KIF13A: variants seen among roughly 807,000 people sequenced by gnomAD.
KIF13A encodes the protein kinesin family member 13A.
A neutral mutation model predicts 212.2 loss-of-function variants in KIF13A; 79 were observed. That is an observed-to-expected ratio of 0.37 (90% confidence interval 0.31 to 0.45). The LOEUF is 0.45. Ranked by LOEUF, KIF13A falls within the 20% of genes least tolerant of loss-of-function variation. The pLI, the probability that KIF13A is intolerant of heterozygous loss-of-function variation, is 1.00. For missense variants in KIF13A, 1,901 were observed against 2,209.0 expected, an observed-to-expected ratio of 0.86 and a Z score of 2.79; for synonymous variants, 789 against 808.6, an observed-to-expected ratio of 0.98 and a Z score of 0.41.
intron 3 of KIF13A, among the ~76,000 whole-genome samples, chr6:17,889,106 A>G (rs1423242143): frequency 3.9e-5 from 6 of 152,200 alleles, no homozygotes; most frequent in Admixed American, 3.9e-4. Context: ...CAGAAAATGA[A>G]GGCAGTCACA....
At chr6:17,940,466 C>G (rs1341333515) in intron 2 of KIF13A, among the ~76,000 whole-genome samples, 3 of 152,222 alleles carry the variant, frequency 2.0e-5, no homozygotes, top group Non-Finnish European at 4.4e-5. Context: ...TGTTAGTGAA[C>G]CTACAGATGA....
At chr6:17,781,473 CTTTT>C (rs942520099) in intron 29 of KIF13A, among the ~76,000 whole-genome samples, 172 bp from the exon 30 acceptor site, 2 of 152,016 alleles carry the variant, frequency 1.3e-5, no homozygotes, top group Non-Finnish European at 2.9e-5. Flanking sequence ...CTCACAACAG[CTTTT>C]TTTCTTTTTT....
At chr6:17,964,200 T>C (rs985967381) in intron 2 of KIF13A, among the ~76,000 whole-genome samples, 6 of 152,310 alleles carry the variant, frequency 3.9e-5, no homozygotes, top group Non-Finnish European at 8.8e-5. Flanking sequence ...TTATTCAGTT[T>C]AGAGTAAATC....
Position 17,781,290 on chromosome 6 carries a change from T to C in KIF13A, c.3556A>G (p.Ser1186Gly). The change falls in exon 30 of 39, where the codon AGT becomes GGT. Residue 1186 changes from serine to glycine, a missense_variant. Transcript: ENST00000259711. ...GGGCCAACAAGCTGCTCATTGGCAC[T>C]GAGGTCATCCGCTAACCACATCAGG... ...LFLDLNADDL[S>G]ANEQLVGPHA... is the part of the protein sequence containing the mutation. The C allele has an allele frequency of 6.2e-7, 1 of 1,608,464 alleles. No homozygotes were observed. Among genetic ancestry groups the C allele is most frequent in the Non-Finnish European group, 8.5e-7 (1 of 1,177,956 alleles).
intron 2 of KIF13A, among the ~76,000 whole-genome samples, chr6:17,937,096 G>T (rs1386999924): frequency 1.3e-5 from 2 of 152,196 alleles, no homozygotes; most frequent in Admixed American, 6.5e-5. Flanking sequence ...AGGATCACCT[G>T]AGCCTGGGGA....
rs1024593263 is a variant in KIF13A at position 17,888,909 on chromosome 6, T to C, written c.159+9259A>G. 2.6e-5 allele frequency among the ~76,000 whole-genome samples: 4 copies of C among 152,138 alleles called. No homozygotes were observed. Among genetic ancestry groups the C allele is most frequent in the African/African-American group, 9.7e-5 (4 of 41,440 alleles). ...AACCAAATATATAAAAAATCTTATATTCTTTTTCTTTCTTGTACCAAGTCT... is the reference window on the plus strand; with the variant it reads ...AACCAAATATATAAAAAATCTTATACTCTTTTTCTTTCTTGTACCAAGTCT... On this transcript the variant is annotated intron_variant, in intron 3 of 38. Coordinates refer to ENST00000259711, the MANE Select transcript of KIF13A (RefSeq NM_022113.6). This position sits in a 1 kb window ranked among gnomAD's most constrained non-coding sequence, Gnocchi z 4.8.
intron 2 of KIF13A, among the ~76,000 whole-genome samples, chr6:17,942,851 C>T (rs768789260): frequency 2.6e-5 from 4 of 152,136 alleles, no homozygotes; most frequent in South Asian, 2.1e-4. Context: ...GGTGTCAACA[C>T]GCCTGTAATC....
At chr6:17,936,101 G>A (rs1452312391) in intron 2 of KIF13A, among the ~76,000 whole-genome samples, 2 of 152,168 alleles carry the variant, frequency 1.3e-5, no homozygotes, top group Non-Finnish European at 2.9e-5. Context: ...GACATTATCA[G>A]AACAATTCAT....
rs1349559591 is a variant in KIF13A, at chr6:17,886,023, C to G, written c.159+12145G>C. Among the ~76,000 whole-genome samples, 2 of 152,212 alleles carry G rather than the reference C, an allele frequency of 1.3e-5. No individual in the cohort carries two copies. The highest frequency in any genetic ancestry group is 4.8e-5 in the African/African-American group (2 of 41,456). On this transcript the variant is annotated intron_variant, in intron 3 of 38. Transcript: ENST00000259711. The surrounding 1 kb of genome is among the most constrained non-coding windows in gnomAD (Gnocchi z 5.6). The stretch of plus-strand genomic sequence containing the variant: ...AAGGTGATGTGGATATTTTCAAACA[C>G]AGAATACTTCTTCTTCAATAAAAAC...
intron 2 of KIF13A, among the ~76,000 whole-genome samples, chr6:17,946,600 C>T (rs909648010): frequency 1.3e-5 from 2 of 152,160 alleles, no homozygotes; most frequent in Non-Finnish European, 2.9e-5. Flanking sequence ...ATTTCACATG[C>T]TCTGCATCAG....
At chr6:17,976,491 C>T (rs1007530025) in intron 2 of KIF13A, among the ~76,000 whole-genome samples, 3 of 152,222 alleles carry the variant, frequency 2.0e-5, no homozygotes, top group South Asian at 2.1e-4. Context: ...ATGCGGGGCC[C>T]GCCAAGCCCA....
intron 3 of KIF13A, among the ~76,000 whole-genome samples, chr6:17,875,870 T>C (rs1770508670): frequency 6.6e-6 from 1 of 152,130 alleles, no homozygotes; most frequent in South Asian, 2.1e-4. Context: ...CATGAGCTAC[T>C]CCATGAAAAA....
intron 3 of KIF13A, among the ~76,000 whole-genome samples, chr6:17,879,732 C>T (rs1272404025): frequency 6.6e-6 from 1 of 152,150 alleles, no homozygotes; most frequent in Non-Finnish European, 1.5e-5. Flanking sequence ...TTGACATTTC[C>T]CTTGCAATCT....
In KIF13A at chr6:17,773,625, C is replaced by A; in HGVS notation, c.4219-42G>T. The A allele has an allele frequency of 8.7e-7, 1 of 1,148,460 alleles. No individual in the cohort carries two copies. The allele number at this position is 1,148,460 out of a possible 1,614,324, so 71.1% of individuals were successfully genotyped here. On this transcript the variant is annotated intron_variant, in intron 35 of 38. Transcript: ENST00000259711. The surrounding 1 kb of genome is among the most constrained non-coding windows in gnomAD (Gnocchi z 4.2). ...TGGGTTAACTGTAATTGAATCACTC[C>A]AAAATAAGAAATAAAGCCCAGGTTG... is the stretch of plus-strand genomic sequence containing the variant.
In KIF13A at chr6:17,838,292, G is replaced by T. The variant is rs544131549; in HGVS notation, c.831-709C>A. ...GCCAAGATCGCGCCACTGTACTCCA[G>T]CCTGGGCGACAGAGCAAGACTCCAT... On this transcript the variant is annotated intron_variant, in intron 9 of 38. Transcript: ENST00000259711. This position sits in a 1 kb window ranked among gnomAD's most constrained non-coding sequence, Gnocchi z 4.2. Among the ~76,000 whole-genome samples the T allele has an allele frequency of 6.6e-6, 1 of 151,538 alleles. No homozygotes were observed. Among genetic ancestry groups the T allele is most frequent in the South Asian group, 2.1e-4 (1 of 4,758 alleles).
chr6:17,761,997 C>T (rs566313330), downstream of KIF13A, among the ~76,000 whole-genome samples: 3 of 152,170 alleles, frequency 2.0e-5, no homozygotes, highest in South Asian at 6.2e-4. Flanking sequence ...CCCTGCTGCA[C>T]ACTGTATAAA....
chr6:17,919,062 G>A lies in KIF13A; in HGVS notation c.147-20882C>T, dbSNP rs1447414423. ...AAATGAATGGACAGATGCAGTCCTT[G>A]GCTCACATCAACGGATCACTTGTAA... On this transcript the variant is annotated intron_variant, in intron 2 of 38. Transcript: ENST00000259711. The surrounding 1 kb of genome is among the most constrained non-coding windows in gnomAD (Gnocchi z 4.1). Among the ~76,000 whole-genome samples the A allele has an allele frequency of 6.6e-6, 1 of 152,132 alleles. No individual in the cohort carries two copies. Among genetic ancestry groups the A allele is most frequent in the African/African-American group, 2.4e-5 (1 of 41,422 alleles).
Position 17,796,586 on chromosome 6 carries a change from C to G in KIF13A, c.2942+83G>C, listed in dbSNP as rs189572345. 18 of 882,420 alleles carry G rather than the reference C, an allele frequency of 2.0e-5. No homozygotes were observed. The East Asian group carries it at 2.4e-4, about 12-fold the overall frequency. The allele number at this position is 882,420 out of a possible 1,614,324, so 54.7% of individuals were successfully genotyped here. ...AATGATTTTATTTTTTTATAAGCAG[C>G]CTCCTAGGCCAGAGTAGGTTCAGAG... On this transcript the variant is annotated intron_variant, in intron 23 of 38. Coordinates refer to ENST00000259711, the MANE Select transcript of KIF13A (RefSeq NM_022113.6).
At chr6:17,965,794 CA>C (rs1779251170) in intron 2 of KIF13A, among the ~76,000 whole-genome samples, 1 of 152,216 alleles carries the variant, frequency 6.6e-6, no homozygotes, top group Admixed American at 6.5e-5. Context: ...GGAATAACCA[CA>C]AACTCATCAA....
Sources: gnomAD v4.1 joint callset for allele counts (sites outside exome capture counted in the v4.1 genomes callset) on GRCh38, gnomAD v4.1.1 for gene constraint, Gnocchi (gnomAD v3.1) non-coding constraint, MANE v1.5 for transcripts, NCBI Gene and HGNC (gene_info 2026-07-23, HGNC 2026-07-21) for gene names.